Variants in MRTFA observed in about 807,000 individuals in gnomAD.
The protein encoded by MRTFA is myocardin related transcription factor A.
Under a neutral mutation model 83.5 loss-of-function variants are expected in MRTFA, and 20 were observed. That is an observed-to-expected ratio of 0.24 (90% CI 0.17 to 0.35). The LOEUF (loss-of-function observed/expected upper bound fraction) is 0.35, where lower values mean the gene tolerates loss of function less well. Ranked by LOEUF, MRTFA falls within the 10% of genes least tolerant of loss-of-function variation. MRTFA has a pLI of 1.00. For missense variants in MRTFA, 1,200 were observed against 1,224.7 expected (o/e 0.98, Z 0.30); for synonymous variants, 659 against 541.2 (o/e 1.22, Z -3.02).
chr22:40,555,860 C>T (rs1290851017), intron 2 of MRTFA, among the ~76,000 whole-genome samples: 2 of 151,758 alleles, frequency 1.3e-5, no homozygotes, highest in African/African-American at 4.8e-5. Context: ...AGGATGGTCT[C>T]GATCTCCTGA....
intron 3 of MRTFA, among the ~76,000 whole-genome samples, chr22:40,482,270 C>T (rs887897666): frequency 3.9e-5 from 6 of 152,074 alleles, no homozygotes; most frequent in African/African-American, 1.5e-4. Context: ...TGTGCTTTTT[C>T]TACTATATCA....
At chr22:40,551,078 C>T (rs2055438018) in intron 3 of MRTFA, among the ~76,000 whole-genome samples, 1 of 60,710 alleles carries the variant, frequency 1.6e-5, no homozygotes, top group African/African-American at 7.2e-5. Context: ...CTCGAACTCC[C>T]GACCTCAGGG....
chr22:40,470,545 T>C (rs2053891944), intron 3 of MRTFA, among the ~76,000 whole-genome samples: 1 of 151,484 alleles, frequency 6.6e-6, no homozygotes, highest in Non-Finnish European at 1.5e-5. Context: ...CTTAAGAAAC[T>C]AGATGAATAT....
chr22:40,570,950 G>T (rs1044929844), intron 2 of MRTFA, among the ~76,000 whole-genome samples: 2 of 147,158 alleles, frequency 1.4e-5, no homozygotes, highest in Admixed American at 1.4e-4. Context: ...AGCATTTTGG[G>T]AGGCCGATGT....
chr22:40,461,364 C>T (rs1439595596), intron 4 of MRTFA, among the ~76,000 whole-genome samples: 1 of 151,806 alleles, frequency 6.6e-6, no homozygotes, highest in Non-Finnish European at 1.5e-5. Flanking sequence ...CACTTAAAAC[C>T]AAATCCAGCT....
intron 3 of MRTFA, among the ~76,000 whole-genome samples, chr22:40,487,129 GAT>G (rs1389823253): frequency 6.6e-6 from 1 of 152,160 alleles, no homozygotes; most frequent in Non-Finnish European, 1.5e-5. Context: ...CTAAGGACAG[GAT>G]ATATGTTAAC....
intron 2 of MRTFA, among the ~76,000 whole-genome samples, chr22:40,583,025 G>T (rs1368148545): frequency 1.3e-5 from 2 of 151,946 alleles, no homozygotes; most frequent in Admixed American, 1.3e-4. Flanking sequence ...GCCAAATGAG[G>T]CAAAATAAAG....
chr22:40,538,676 A>G (rs2055232115), intron 3 of MRTFA, among the ~76,000 whole-genome samples: 1 of 152,232 alleles, frequency 6.6e-6, no homozygotes, highest in East Asian at 1.9e-4. Flanking sequence ...CATTGTGAAA[A>G]CAGACTTTAA....
At chr22:40,618,785 G>A (rs866343175) in intron 1 of MRTFA, among the ~76,000 whole-genome samples, 3 of 151,846 alleles carry the variant, frequency 2.0e-5, no homozygotes, top group Non-Finnish European at 2.9e-5. Flanking sequence ...CTAACACAGC[G>A]AAACCAGTCT....
chr22:40,421,053 C>T lies in MRTFA; in HGVS notation c.975G>A (p.Lys325=). 1 of 1,559,162 alleles carries T rather than the reference C, an allele frequency of 6.4e-7. No individual in the cohort carries two copies. The stretch of plus-strand genomic sequence containing the variant: ...TCACCTTTGGCTTCAGCTCCTTGGC[C>T]TTCTTGCTGCGCTGTGACTTCTCAC... The change falls in exon 10 of 15, where the codon AAG becomes AAA. Residue 325 remains lysine, a synonymous_variant. Transcript: ENST00000355630.
At chr22:40,572,118 C>T (rs577619528) in intron 2 of MRTFA, among the ~76,000 whole-genome samples, 13 of 151,798 alleles carry the variant, frequency 8.6e-5, no homozygotes, top group Admixed American at 1.3e-4. Context: ...CTGGAGTTCA[C>T]GTATTATCCC....
intron 3 of MRTFA, among the ~76,000 whole-genome samples, chr22:40,514,122 G>A (rs2054715856): frequency 6.6e-6 from 1 of 151,778 alleles, no homozygotes; most frequent in African/African-American, 2.4e-5. Flanking sequence ...AGCCAGACAT[G>A]GTGGCATGTA....
At chr22:40,589,582 GAAAAATGTTAAT>G (rs2147374359) in intron 2 of MRTFA, among the ~76,000 whole-genome samples, 1 of 152,262 alleles carries the variant, frequency 6.6e-6, no homozygotes, top group South Asian at 2.1e-4. Context: ...TGAAAACTAT[GAAAAATGTTAAT>G]AATGTCTACT....
chr22:40,457,473 A>AGAAAGAAAGGAAGAAAGAAG (rs1569275906), intron 4 of MRTFA, among the ~76,000 whole-genome samples: 20 of 143,712 alleles, frequency 1.4e-4, no homozygotes, highest in Middle Eastern at 6.9e-3. Flanking sequence ...AAAGAAAGAA[A>AGAAAGAAAGGAAGAAAGAAG]GAAAGAAAGA....
chr22:40,612,829 C>T (rs948807194), intron 1 of MRTFA, among the ~76,000 whole-genome samples: 7 of 152,118 alleles, frequency 4.6e-5, no homozygotes, highest in Admixed American at 3.9e-4. Flanking sequence ...TGCATGGCTG[C>T]CCAGCTACTC....
chr22:40,484,545 G>A (rs1010218910), intron 3 of MRTFA, among the ~76,000 whole-genome samples: 4 of 152,242 alleles, frequency 2.6e-5, no homozygotes, highest in South Asian at 4.1e-4. Context: ...TATAAGTACC[G>A]CAACTTTGTA....
intron 1 of MRTFA, among the ~76,000 whole-genome samples, chr22:40,616,656 A>G (rs1031868763): frequency 3.9e-5 from 6 of 152,208 alleles, no homozygotes; most frequent in Non-Finnish European, 7.3e-5. Context: ...TTAACAAGGT[A>G]GACACAAGTG....
intron 12 of MRTFA, 134 bp from the exon 13 acceptor site, chr22:40,417,627 T>G: frequency 3.1e-4 from 185 of 592,788 alleles, no homozygotes; most frequent in East Asian, 5.6e-4. Flanking sequence ...CACTGGCTTT[T>G]AGGGAGCTTT....
At chr22:40,475,478 A>G (rs2053978001) in intron 3 of MRTFA, among the ~76,000 whole-genome samples, 1 of 152,000 alleles carries the variant, frequency 6.6e-6, no homozygotes, top group Admixed American at 6.5e-5. Context: ...CGGAGGTTGC[A>G]GTGAGCCGAA....
Sources: allele counts gnomAD v4.1 joint callset (sites outside exome capture counted in the v4.1 genomes callset), GRCh38; gene constraint gnomAD v4.1.1; transcripts MANE v1.5; gene names NCBI Gene and HGNC (gene_info 2026-07-23, HGNC 2026-07-21).